Variants in CYP4F2 observed in about 807,000 individuals in gnomAD.
The protein encoded by CYP4F2 is cytochrome P450 4F2.
A neutral mutation model predicts 58.9 loss-of-function variants in CYP4F2; 58 were observed. The ratio of observed to expected loss-of-function variants is 0.98; its 90% CI spans 0.80 to 1.23. CYP4F2 has a LOEUF of 1.23. Among genes scored for constraint, CYP4F2 ranks in the 50% most tolerant of loss-of-function variants. The probability of loss-of-function intolerance (pLI) is 0.00; values close to 1 mark genes in which losing one functional copy is unlikely to be tolerated. For synonymous variants in CYP4F2, 287 were observed against 261.1 expected, an observed-to-expected ratio of 1.10 and a Z score of -0.95; for missense variants, 616 against 685.6, an observed-to-expected ratio of 0.90 and a Z score of 1.13.
Position 15,892,717 on chromosome 19 carries a change from A to G in CYP4F2, c.344-135T>C, listed in dbSNP as rs964461403. ...ACATAGCAGGAAGAGGGCCAAGGGCAGAGGAAGAAGGGAGGATGGGGAGGG... is the reference window on the plus strand; with the variant it reads ...ACATAGCAGGAAGAGGGCCAAGGGCGGAGGAAGAAGGGAGGATGGGGAGGG... On this transcript the variant is annotated intron_variant, in intron 3 of 12. Transcript: ENST00000221700. 6.7e-6 allele frequency: 9 copies of G among 1,350,802 alleles called. No homozygotes were observed. In the African/African-American group the frequency reaches 1.3e-4, roughly 20 times the overall value. 83.7% of individuals were successfully genotyped at this position (1,350,802 alleles called of 1,614,324 possible).
intron 2 of CYP4F2, among the ~76,000 whole-genome samples, chr19:15,896,515 G>T (rs572530037): frequency 6.6e-6 from 1 of 152,294 alleles, no homozygotes; most frequent in South Asian, 2.1e-4. Flanking sequence ...TATCGCCTCA[G>T]GACATGTCCC....
Position 15,878,396 on chromosome 19 carries a change from G to A in CYP4F2, c.*375C>T, listed in dbSNP as rs2089318898. 9.2e-6 allele frequency: 2 copies of A among 217,164 alleles called. No homozygotes were observed. The highest frequency in any genetic ancestry group is 1.8e-5 in the Non-Finnish European group (2 of 109,056). The allele number at this position is 217,164 out of a possible 1,614,324, so 13.5% of individuals were successfully genotyped here. A position where few individuals can be genotyped will look rare whatever the true frequency, so the allele number is the denominator to read the frequency against. On this transcript the variant is annotated 3_prime_UTR_variant, in exon 13 of 13. Transcript: ENST00000221700. ...TTCGTATAAAAGGACAGTACACTAT[G>A]TGACCTTTTGCATCTGACGTCTTTC...
intron 9 of CYP4F2, among the ~76,000 whole-genome samples, chr19:15,883,491 G>C (rs1447639708): frequency 6.6e-6 from 1 of 152,162 alleles, no homozygotes; most frequent in African/African-American, 2.4e-5. Context: ...CACTGGTGAG[G>C]ATATGGAGAA....
At chr19:15,892,238 TC>T in intron 5 of CYP4F2, 70 bp downstream of exon 5, 1 of 1,601,696 alleles carries the variant, frequency 6.2e-7, no homozygotes, top group Non-Finnish European at 8.5e-7. Flanking sequence ...GAGCCAAAAC[TC>T]CAGACTAGAT....
At chr19:15,884,099 A>AGAGG (rs1025671855) in intron 9 of CYP4F2, among the ~76,000 whole-genome samples, 2 of 151,860 alleles carry the variant, frequency 1.3e-5, no homozygotes, top group Non-Finnish European at 2.9e-5. Context: ...AGAAAGAGAG[A>AGAGG]GAGGGAGGGA....
intron 2 of CYP4F2, 60 bp downstream of exon 2, chr19:15,897,354 C>A: frequency 3.4e-6 from 5 of 1,480,970 alleles, no homozygotes; most frequent in Non-Finnish European, 2.8e-6. Context: ...CCCTAAGCCT[C>A]GTACCCCTCA....
intron 2 of CYP4F2, 144 bp downstream of exon 2, chr19:15,897,270 A>G: frequency 1.2e-6 from 1 of 857,692 alleles, no homozygotes; most frequent in South Asian, 1.7e-5. Flanking sequence ...GAAATGAATA[A>G]GCAGAGGAAT....
chr19:15,881,926 G>T (rs999107034), intron 9 of CYP4F2, among the ~76,000 whole-genome samples: 1 of 152,080 alleles, frequency 6.6e-6, no homozygotes, highest in Non-Finnish European at 1.5e-5. Flanking sequence ...CTTATCTTGG[G>T]ACCTAAAATA....
chr19:15,883,228 T>C (rs2089355718), intron 9 of CYP4F2, among the ~76,000 whole-genome samples: 1 of 152,118 alleles, frequency 6.6e-6, no homozygotes, highest in African/African-American at 2.4e-5. Context: ...TGACAAGCGA[T>C]TAATAACCAG....
intron 12 of CYP4F2, 30 bp downstream of exon 12, chr19:15,879,316 G>A (rs1278848541): frequency 3.1e-6 from 5 of 1,612,494 alleles, no homozygotes; most frequent in Non-Finnish European, 4.2e-6. Context: ...CCATCAACCC[G>A]TTCCCACCTC....
intron 7 of CYP4F2, among the ~76,000 whole-genome samples, chr19:15,888,410 A>C (rs1262145892): frequency 2.6e-5 from 4 of 152,166 alleles, no homozygotes; most frequent in Non-Finnish European, 5.9e-5. Context: ...ACACAAGTAC[A>C]CATAAACATA....
chr19:15,886,208 G>T, intron 8 of CYP4F2, 34 bp downstream of exon 8: 6 of 1,613,654 alleles, frequency 3.7e-6, no homozygotes, highest in Non-Finnish European at 5.1e-6. Context: ...GAGAGATCCC[G>T]GTCCCCTCTC....
intron 12 of CYP4F2, 73 bp downstream of exon 12, chr19:15,879,273 C>A: frequency 6.5e-7 from 1 of 1,546,684 alleles, no homozygotes; most frequent in Non-Finnish European, 8.8e-7. Context: ...CAATGTCCCC[C>A]TTTTCCCCAC....
At chr19:15,897,219 G>A (rs1210850619) in intron 2 of CYP4F2, among the ~76,000 whole-genome samples, 195 bp downstream of exon 2, 1 of 152,170 alleles carries the variant, frequency 6.6e-6, no homozygotes, top group African/African-American at 2.4e-5. Context: ...CCTGGAGTGG[G>A]AGGACAAGGA....
intron 5 of CYP4F2, among the ~76,000 whole-genome samples, chr19:15,890,637 T>C (rs900901717): frequency 3.3e-5 from 5 of 152,202 alleles, no homozygotes; most frequent in African/African-American, 1.2e-4. Flanking sequence ...TTAGGAGAAC[T>C]AGGTTCAAGT....
At chr19:15,894,889 G>A (rs949151635) in intron 3 of CYP4F2, among the ~76,000 whole-genome samples, 1 of 152,192 alleles carries the variant, frequency 6.6e-6, no homozygotes, top group Non-Finnish European at 1.5e-5. Flanking sequence ...CAAGCTATAG[G>A]ATGGGGTAAA....
rs2089319838 is a variant in CYP4F2 at position 15,878,555 on chromosome 19, C to T, written c.*216G>A. 6 of 736,770 alleles carry T rather than the reference C, an allele frequency of 8.1e-6. No homozygotes were observed. The highest frequency in any genetic ancestry group is 7.0e-5 in the African/African-American group (4 of 57,132). 45.6% of individuals were successfully genotyped at this position (736,770 alleles called of 1,614,324 possible). On this transcript the variant is annotated 3_prime_UTR_variant, in exon 13 of 13. Coordinates refer to ENST00000221700, the MANE Select transcript of CYP4F2 (RefSeq NM_001082.5). ...TATCCTTTCATCTGGTAATATATAG[C>T]TTGGGGTTGTTTTCATCGTTTGGCT...
intron 9 of CYP4F2, among the ~76,000 whole-genome samples, chr19:15,884,346 G>A (rs928464511): frequency 1.3e-5 from 2 of 152,102 alleles, no homozygotes; most frequent in African/African-American, 4.8e-5. Flanking sequence ...AAGGGAGGGA[G>A]GGGTGAGGAG....
chr19:15,891,519 G>A (rs868177381), intron 5 of CYP4F2, among the ~76,000 whole-genome samples: 11 of 151,908 alleles, frequency 7.2e-5, no homozygotes, highest in Middle Eastern at 6.8e-3. Context: ...TTCCCTTCCT[G>A]CCATATCCAC....
Sources: gnomAD v4.1 joint callset for allele counts (sites outside exome capture counted in the v4.1 genomes callset) on GRCh38, gnomAD v4.1.1 for gene constraint, MANE v1.5 for transcripts, NCBI Gene and HGNC (gene_info 2026-07-23, HGNC 2026-07-21) for gene names.